Variants in SNTG1 observed in about 807,000 individuals in gnomAD.
SNTG1 encodes syntrophin gamma 1.
Under a neutral mutation model 74.7 loss-of-function variants are expected in SNTG1, and 39 were observed. The observed-to-expected ratio is 0.52, with a 90% confidence interval of 0.40 to 0.68. The LOEUF (loss-of-function observed/expected upper bound fraction) is 0.68. Ranked by LOEUF, SNTG1 falls within the 30% of genes least tolerant of loss-of-function variation. SNTG1 has a pLI of 0.00. For missense variants in SNTG1, 685 were observed against 609.5 expected (o/e 1.12, Z -1.30); for synonymous variants, 254 against 217.1 (o/e 1.17, Z -1.49).
At chr8:50,574,644 G>A (rs1334761631) in intron 12 of SNTG1, among the ~76,000 whole-genome samples, 5 of 152,060 alleles carry the variant, frequency 3.3e-5, no homozygotes, top group African/African-American at 1.2e-4. Flanking sequence ...CCTCAGAACA[G>A]TAATCATATT....
chr8:50,429,673 A>G (rs1245064131), intron 4 of SNTG1, among the ~76,000 whole-genome samples: 1 of 152,172 alleles, frequency 6.6e-6, no homozygotes. Flanking sequence ...TGTGCTTCAA[A>G]TAACACTATC....
At chr8:50,152,009 G>T (rs1206029648) in intron 1 of SNTG1, among the ~76,000 whole-genome samples, 3 of 152,124 alleles carry the variant, frequency 2.0e-5, no homozygotes, top group Admixed American at 1.3e-4. Flanking sequence ...TGACAGTGGG[G>T]TGTTAAAGTC....
intron 2 of SNTG1, among the ~76,000 whole-genome samples, chr8:50,321,538 A>G (rs1259154732): frequency 6.6e-6 from 1 of 151,646 alleles, no homozygotes. Context: ...ATTCAATGTT[A>G]TTATTGATAA....
intron 1 of SNTG1, among the ~76,000 whole-genome samples, chr8:50,160,908 T>C (rs1005035274): frequency 6.6e-6 from 1 of 152,164 alleles, no homozygotes; most frequent in East Asian, 1.9e-4. Flanking sequence ...GGAAGAAGGA[T>C]AGGAGTCTGA....
chr8:50,006,116 C>T (rs1468981890), intron 1 of SNTG1, among the ~76,000 whole-genome samples: 2 of 151,854 alleles, frequency 1.3e-5, no homozygotes, highest in African/African-American at 2.4e-5. Context: ...GTGCATGCCA[C>T]CATGCCCAGC....
chr8:50,163,899 A>T (rs1210428176), intron 1 of SNTG1: 1 of 152,020 alleles, frequency 6.6e-6, no homozygotes, highest in Admixed American at 6.6e-5. Flanking sequence ...CATCAATATC[A>T]CTTGTTGGAT....
Position 50,704,671 on chromosome 8 carries a change from C to T in SNTG1, c.1110C>T (p.Phe370=), listed in dbSNP as rs774559808. 6.2e-7 allele frequency: 1 copy of T among 1,613,966 alleles called. No homozygotes were observed. The highest frequency in any genetic ancestry group is 8.5e-7 in the Non-Finnish European group (1 of 1,180,022). Residue 370 remains phenylalanine, a synonymous_variant, in exon 16 of 19, where the codon TTC becomes TTT. Transcript: ENST00000642720. ...CTGAGTCTGGGGAGGACCTGTACTT[C>T]TCAGTGGAGCTGGAAAGTGACCTCG... ...VQSESGEDLY[F]SVELESDLAQ...
In SNTG1 at chr8:50,118,435, A is replaced by C. The variant is rs142920286; in HGVS notation, c.-102-54126A>C. Among the ~76,000 whole-genome samples, 717 of 152,356 alleles carry C rather than the reference A, an allele frequency of 4.7e-3. 8 individuals are homozygous for C. The highest frequency in any genetic ancestry group is 0.016 in the African/African-American group (680 of 41,598). On this transcript the variant is annotated intron_variant, in intron 1 of 18. Coordinates refer to ENST00000642720, the MANE Select transcript of SNTG1 (RefSeq NM_018967.5). ...GTTCTCAGTGCTTTACACATTTTACATATGTAGATTACTCACACAATCTTT... is the reference window on the plus strand; with the variant it reads ...GTTCTCAGTGCTTTACACATTTTACCTATGTAGATTACTCACACAATCTTT...
At chr8:50,488,127 G>A (rs2093815324) in intron 8 of SNTG1, among the ~76,000 whole-genome samples, 1 of 152,196 alleles carries the variant, frequency 6.6e-6, no homozygotes, top group Admixed American at 6.5e-5. Context: ...CTAGGGCTGC[G>A]AAGTGGTGCT....
intron 15 of SNTG1, among the ~76,000 whole-genome samples, chr8:50,662,571 T>C (rs2095229826): frequency 6.6e-6 from 1 of 152,222 alleles, no homozygotes; most frequent in South Asian, 2.1e-4. Flanking sequence ...GCTAAAGATA[T>C]GAATCTTGCA....
intron 2 of SNTG1, among the ~76,000 whole-genome samples, chr8:50,391,043 C>A (rs935195025): frequency 1.3e-5 from 2 of 152,132 alleles, no homozygotes; most frequent in South Asian, 4.1e-4. Flanking sequence ...TCCTCTTTTC[C>A]AAATTGAGTA....
intron 12 of SNTG1, among the ~76,000 whole-genome samples, chr8:50,556,906 T>G (rs1319216622): frequency 1.3e-5 from 2 of 152,118 alleles, no homozygotes; most frequent in African/African-American, 2.4e-5. Context: ...TAACCCACAC[T>G]AATCACATGC....
intron 13 of SNTG1, among the ~76,000 whole-genome samples, chr8:50,621,305 G>A (rs1332378234): frequency 1.3e-5 from 2 of 152,082 alleles, no homozygotes; most frequent in Non-Finnish European, 2.9e-5. Context: ...TTCCCACATG[G>A]CTGGGCTGTC....
chr8:50,713,153 G>A (rs534678410), intron 17 of SNTG1, among the ~76,000 whole-genome samples: 3 of 152,130 alleles, frequency 2.0e-5, no homozygotes, highest in Admixed American at 6.6e-5. Flanking sequence ...CCACATCCTC[G>A]CCAGCATCTG....
intron 1 of SNTG1, among the ~76,000 whole-genome samples, chr8:49,961,346 G>C (rs954092668): frequency 6.6e-6 from 1 of 152,120 alleles, no homozygotes; most frequent in African/African-American, 2.4e-5. Context: ...TCAGCCATAG[G>C]CCCAGAATCC....
chr8:50,571,883 A>G (rs1482648568), intron 12 of SNTG1, among the ~76,000 whole-genome samples: 1 of 152,170 alleles, frequency 6.6e-6, no homozygotes, highest in Non-Finnish European at 1.5e-5. Flanking sequence ...TCCACTGAAC[A>G]TGTTTTAGAA....
At chr8:50,128,556 T>C (rs1221970414) in intron 1 of SNTG1, among the ~76,000 whole-genome samples, 1 of 152,108 alleles carries the variant, frequency 6.6e-6, no homozygotes, top group Non-Finnish European at 1.5e-5. Context: ...AAACCATATA[T>C]TGTTCCCAAT....
intron 16 of SNTG1, among the ~76,000 whole-genome samples, chr8:50,705,057 G>T (rs1047421454): frequency 6.6e-6 from 1 of 152,086 alleles, no homozygotes; most frequent in Non-Finnish European, 1.5e-5. Flanking sequence ...TTAATGAATT[G>T]TTGACAAGGT....
At chr8:50,001,393 G>A (rs1012056968) in intron 1 of SNTG1, among the ~76,000 whole-genome samples, 2 of 152,098 alleles carry the variant, frequency 1.3e-5, no homozygotes, top group Non-Finnish European at 2.9e-5. Flanking sequence ...GGTGAGCCTA[G>A]GAAGGTGGCC....
Sources: gnomAD v4.1 joint callset for allele counts (sites outside exome capture counted in the v4.1 genomes callset) on GRCh38, gnomAD v4.1.1 for gene constraint, MANE v1.5 for transcripts, NCBI Gene and HGNC (gene_info 2026-07-23, HGNC 2026-07-21) for gene names.